RBFOX1: variants seen among roughly 807,000 people sequenced by gnomAD.
RBFOX1 encodes RNA binding fox-1 homolog 1.
RBFOX1 carries 8 observed loss-of-function variants against 57.7 expected under a neutral mutation model. That is an observed-to-expected ratio of 0.14 (90% CI 0.08 to 0.25). The LOEUF (loss-of-function observed/expected upper bound fraction) is 0.25. Among genes scored for constraint, RBFOX1 ranks in the 10% least tolerant of loss-of-function variants. The pLI is 1.00. For missense variants in RBFOX1, 611 were observed against 548.5 expected (o/e 1.11, Z -1.14); for synonymous variants, 326 against 222.4 (o/e 1.47, Z -4.15).
chr16:7,654,282 G>C lies in RBFOX1; in HGVS notation c.890+335G>C, dbSNP rs551496554. Reference sequence around the variant, plus strand: ...TGATTGCAAACATCTGGTTATTAAGGAGGTTGGACCACATTTGCCCCTTGA... The same window carrying C: ...TGATTGCAAACATCTGGTTATTAAGCAGGTTGGACCACATTTGCCCCTTGA... On this transcript the variant is annotated intron_variant, in intron 12 of 15. Coordinates refer to ENST00000550418, the MANE Select transcript of RBFOX1 (RefSeq NM_018723.4). 2.6e-5 allele frequency among the ~76,000 whole-genome samples: 4 copies of C among 152,294 alleles called. No individual in the cohort carries two copies. The South Asian group carries it at 8.3e-4, about 32-fold the overall frequency.
At chr16:5,307,259 C>T (rs943109640) in intron 1 of RBFOX1, among the ~76,000 whole-genome samples, 4 of 152,140 alleles carry the variant, frequency 2.6e-5, no homozygotes, top group Admixed American at 6.5e-5. Flanking sequence ...TTTCTGTGCT[C>T]ACACCAGGAG....
At chr16:6,931,137 G>A (rs977883787) in intron 3 of RBFOX1, among the ~76,000 whole-genome samples, 4 of 151,842 alleles carry the variant, frequency 2.6e-5, no homozygotes, top group African/African-American at 9.7e-5. Context: ...GTAGTTTTAA[G>A]AAAAATTCAG....
intron 3 of RBFOX1, among the ~76,000 whole-genome samples, chr16:6,953,730 A>T (rs759795031): frequency 6.6e-6 from 1 of 152,206 alleles, no homozygotes; most frequent in South Asian, 2.1e-4. Context: ...ATAAATATAC[A>T]TATTTTATAT....
At chr16:6,466,377 A>G (rs980957239) in intron 2 of RBFOX1, among the ~76,000 whole-genome samples, 2 of 152,148 alleles carry the variant, frequency 1.3e-5, no homozygotes, top group East Asian at 3.9e-4. Context: ...GTACTTTCCC[A>G]TATGTTATTT....
rs185067379 is a variant in RBFOX1, at chr16:6,171,149, A to G, written c.-126-145846A>G. 4.0e-3 allele frequency among the ~76,000 whole-genome samples: 611 copies of G among 152,274 alleles called. 4 individuals carry two copies. The highest frequency in any genetic ancestry group is 9.9e-3 in the Admixed American group (151 of 15,292). ...TCAAATGGTAGTTCTGTTTTTAGGT[A>G]GAGCTTGTCAGGATCTCTTCTTCCC... On this transcript the variant is annotated intron_variant, in intron 1 of 15. Transcript: ENST00000550418.
intron 3 of RBFOX1, among the ~76,000 whole-genome samples, chr16:6,749,909 A>G (rs1189414008): frequency 3.3e-5 from 5 of 152,190 alleles, no homozygotes; most frequent in African/African-American, 9.7e-5. Context: ...TCCTCAGAAT[A>G]CAATAAGGGC....
At chr16:6,980,865 A>C (rs1449301920) in intron 3 of RBFOX1, among the ~76,000 whole-genome samples, 1 of 152,032 alleles carries the variant, frequency 6.6e-6, no homozygotes, top group Non-Finnish European at 1.5e-5. Context: ...TAACATGTTG[A>C]AACCCCATCT....
intron 3 of RBFOX1, among the ~76,000 whole-genome samples, chr16:6,699,864 A>G (rs2061569026): frequency 6.6e-6 from 1 of 152,190 alleles, no homozygotes; most frequent in African/African-American, 2.4e-5. Flanking sequence ...GGCACTAAGG[A>G]TAGCTATTCT....
At chr16:7,343,258 G>C (rs1297520554) in intron 4 of RBFOX1, among the ~76,000 whole-genome samples, 1 of 152,120 alleles carries the variant, frequency 6.6e-6, no homozygotes, top group South Asian at 2.1e-4. Context: ...GAAGCCTTTC[G>C]GGGGGAAATT....
chr16:7,060,257 A>T (rs1477505664), intron 4 of RBFOX1, among the ~76,000 whole-genome samples: 1 of 152,200 alleles, frequency 6.6e-6, no homozygotes, highest in Non-Finnish European at 1.5e-5. Flanking sequence ...GTCTCAATAA[A>T]ACTTTATTTA....
At chr16:6,090,986 T>C (rs761801279) in intron 1 of RBFOX1, among the ~76,000 whole-genome samples, 4 of 152,266 alleles carry the variant, frequency 2.6e-5, no homozygotes, top group Non-Finnish European at 5.9e-5. Context: ...ATCCCATGCA[T>C]GTGCAATGGT....
intron 3 of RBFOX1, chr16:6,704,264 C>T (rs1179805906): frequency 6.6e-6 from 1 of 152,220 alleles, no homozygotes; most frequent in Admixed American, 6.5e-5. Flanking sequence ...ATTGAACAGC[C>T]AGTCCCTGCT....
chr16:7,686,704 G>T (rs1008906366), intron 14 of RBFOX1, among the ~76,000 whole-genome samples: 5 of 152,052 alleles, frequency 3.3e-5, no homozygotes, highest in African/African-American at 1.2e-4. Flanking sequence ...AAGAAACTGA[G>T]GTCCAGACAG....
intron 4 of RBFOX1, among the ~76,000 whole-genome samples, chr16:7,071,803 G>A (rs563736269): frequency 2.0e-5 from 3 of 152,046 alleles, no homozygotes; most frequent in East Asian, 3.9e-4. Context: ...CTCATCATCT[G>A]TGTCTTCTAC....
intron 12 of RBFOX1, among the ~76,000 whole-genome samples, chr16:7,659,489 CAG>C (rs1387576647): frequency 6.6e-6 from 1 of 152,170 alleles, no homozygotes; most frequent in African/African-American, 2.4e-5. Flanking sequence ...ACTTTAGACA[CAG>C]GGGCGTCCAA....
At chr16:6,647,940 T>C (rs2098547205) in intron 2 of RBFOX1, among the ~76,000 whole-genome samples, 1 of 152,092 alleles carries the variant, frequency 6.6e-6, no homozygotes. Flanking sequence ...CTACAGGGTT[T>C]AAGTGATTCT....
rs149697497 is a variant in RBFOX1 at position 5,735,490 on chromosome 16, C to T, written c.319-131813C>T. On this transcript the variant is annotated intron_variant, in intron 3 of 19. Transcript: ENST00000641259. ...GGACATCTGTTTTGCCATGCCCCAC[C>T]CTTCAGTTCCTTCCCGCTTCCGCAT... 3.9e-3 allele frequency among the ~76,000 whole-genome samples: 588 copies of T among 152,306 alleles called. 3 individuals carry two copies. Among genetic ancestry groups the T allele is most frequent in the African/African-American group, 0.013 (551 of 41,550 alleles).
intron 2 of RBFOX1, among the ~76,000 whole-genome samples, chr16:6,520,132 C>A (rs566371610): frequency 1.3e-5 from 2 of 152,288 alleles, no homozygotes; most frequent in South Asian, 4.1e-4. Flanking sequence ...GGAGCTTCTT[C>A]ATGGCCATCC....
Position 6,333,338 on chromosome 16 carries a change from C to T in RBFOX1, c.-64+16281C>T, listed in dbSNP as rs182086471. On this transcript the variant is annotated intron_variant, in intron 2 of 15. Coordinates refer to ENST00000550418, the MANE Select transcript of RBFOX1 (RefSeq NM_018723.4). ...GGGATGACAGGTGTGAGCCACTGCG[C>T]CCAGCCAGACATTCTTTCCTTTGCT... Among the ~76,000 whole-genome samples, 141 of 152,316 alleles carry T rather than the reference C, an allele frequency of 9.3e-4. 1 individual carries two copies. The highest frequency in any genetic ancestry group is 3.3e-3 in the African/African-American group (136 of 41,546).
Sources: allele counts gnomAD v4.1 joint callset (sites outside exome capture counted in the v4.1 genomes callset), GRCh38; gene constraint gnomAD v4.1.1; transcripts MANE v1.5; gene names NCBI Gene and HGNC (gene_info 2026-07-23, HGNC 2026-07-21).